RFTN1: variants seen among roughly 807,000 people sequenced by gnomAD.
RFTN1 encodes the protein raftlin.
A neutral mutation model predicts 46.5 loss-of-function variants in RFTN1; 26 were observed. The ratio of observed to expected loss-of-function variants is 0.56; its 90% CI spans 0.41 to 0.78. The LOEUF is 0.78. RFTN1 is among the 30% of genes least tolerant of loss of function. The pLI is 0.00. For missense variants in RFTN1, 693 were observed against 718.7 expected, an observed-to-expected ratio of 0.96 and a Z score of 0.41; for synonymous variants, 261 against 284.2, an observed-to-expected ratio of 0.92 and a Z score of 0.82.
chr3:16,426,394 T>G lies in RFTN1; in HGVS notation c.332+7457A>C, dbSNP rs1171891622. The stretch of plus-strand genomic sequence containing the variant: ...TTAAAGAGGACACTTTCGACTGTAA[T>G]TTTTTAAAGGATTTTCTTTTTAGTT... On this transcript the variant is annotated intron_variant, in intron 3 of 9. Coordinates refer to ENST00000334133, the MANE Select transcript of RFTN1 (RefSeq NM_015150.2). This position sits in a 1 kb window ranked among gnomAD's most constrained non-coding sequence, Gnocchi z 5.9. Among the ~76,000 whole-genome samples the G allele has an allele frequency of 6.6e-6, 1 of 152,200 alleles. No individual in the cohort carries two copies. The highest frequency in any genetic ancestry group is 1.5e-5 in the Non-Finnish European group (1 of 68,026).
At position 16,317,192 on chromosome 3, in the gene RFTN1, T is replaced by C. The variant is rs759851412; in HGVS notation, c.1373A>G (p.Gln458Arg). 5 of 1,613,534 alleles carry C rather than the reference T, an allele frequency of 3.1e-6. No homozygotes were observed. Among genetic ancestry groups the C allele is most frequent in the Non-Finnish European group, 3.4e-6 (4 of 1,179,980 alleles). Reference protein sequence around the residue: ...RFSREEMHNRQMRKSKGKLSA... With the variant: ...RFSREEMHNRRMRKSKGKLSA... ...GAGTTTACCTTTTGATTTCCTCATC[T>C]GCCTGTTGTGCATTTCTTCTCTGGA... Residue 458 changes from glutamine to arginine, a missense_variant, in exon 10 of 10, where the codon CAG becomes CGG. Physicochemically the swap from Gln to Arg is conservative, Grantham distance 43 (BLOSUM62 1). Transcript: ENST00000334133. The surrounding 1 kb of genome is among the most constrained non-coding windows in gnomAD (Gnocchi z 4.3).
At chr3:16,439,145 T>C (rs573118859) in intron 2 of RFTN1, among the ~76,000 whole-genome samples, 2 of 152,174 alleles carry the variant, frequency 1.3e-5, no homozygotes, top group South Asian at 2.1e-4. Context: ...CTTAAAGCAA[T>C]AAAAAAAGGC....
intron 3 of RFTN1, among the ~76,000 whole-genome samples, chr3:16,414,443 C>T (rs2075036220): frequency 1.3e-5 from 2 of 151,822 alleles, no homozygotes; most frequent in Non-Finnish European, 2.9e-5. Flanking sequence ...CCCATCTCTA[C>T]TAAAAATACA....
In RFTN1 at chr3:16,345,137, CCT is replaced by C. The variant is rs2071556527; in HGVS notation, c.1146+12793_1146+12794del. 1 of 152,236 alleles carries C rather than the reference CCT, an allele frequency of 6.6e-6. No individual in the cohort carries two copies. The highest frequency in any genetic ancestry group is 2.1e-4 in the South Asian group (1 of 4,838). 9.4% of individuals were successfully genotyped at this position (152,236 alleles called of 1,614,324 possible). On this transcript the variant is annotated intron_variant, in intron 7 of 9. Coordinates refer to ENST00000334133, the MANE Select transcript of RFTN1 (RefSeq NM_015150.2). The surrounding 1 kb of genome is among the most constrained non-coding windows in gnomAD (Gnocchi z 5.2). ...GGAAGTGGATTCTTCCCCACCAAAA[CCT>C]CTAATAAGGCACACAGCTCTGCTGA...
rs1334818682 is a variant in RFTN1 at position 16,322,792 on chromosome 3, G to A, written c.1332+584C>T. Among the ~76,000 whole-genome samples, 2 of 152,150 alleles carry A rather than the reference G, an allele frequency of 1.3e-5. No individual in the cohort carries two copies. The highest frequency in any genetic ancestry group is 4.8e-5 in the African/African-American group (2 of 41,414). On this transcript the variant is annotated intron_variant, in intron 9 of 9. Transcript: ENST00000334133. The surrounding 1 kb of genome is among the most constrained non-coding windows in gnomAD (Gnocchi z 6.2). ...TCTAGGGTAGTTCAGAGTCCGGAGAGGGGGAAAAGGGCCCTGGGGATCTCT... is the reference window on the plus strand; with the variant it reads ...TCTAGGGTAGTTCAGAGTCCGGAGAAGGGGAAAAGGGCCCTGGGGATCTCT...
intron 4 of RFTN1, among the ~76,000 whole-genome samples, chr3:16,393,244 G>C (rs1277183453): frequency 6.6e-6 from 1 of 152,136 alleles, no homozygotes; most frequent in Non-Finnish European, 1.5e-5. Flanking sequence ...TGGGAAGGTA[G>C]GTGCACTGAG....
At chr3:16,364,183 AT>A (rs2073006710) in intron 6 of RFTN1, among the ~76,000 whole-genome samples, 1 of 152,248 alleles carries the variant, frequency 6.6e-6, no homozygotes, top group African/African-American at 2.4e-5. Flanking sequence ...TTGCAGCGCC[AT>A]TTAACTGACC....
In RFTN1 at chr3:16,474,658, A is replaced by G. The variant is rs1024034079; in HGVS notation, c.145+19067T>C. ...GCAATTTTTAAACCACTGATTCACC[A>G]TGCAATGCAGTGTTAAAGTCAAAAG... On this transcript the variant is annotated intron_variant, in intron 2 of 9. Coordinates refer to ENST00000334133, the MANE Select transcript of RFTN1 (RefSeq NM_015150.2). This position sits in a 1 kb window ranked among gnomAD's most constrained non-coding sequence, Gnocchi z 5.5. Among the ~76,000 whole-genome samples the G allele has an allele frequency of 6.6e-6, 1 of 152,248 alleles. No individual in the cohort carries two copies. Among genetic ancestry groups the G allele is most frequent in the African/African-American group, 2.4e-5 (1 of 41,470 alleles).
Position 16,327,715 on chromosome 3 carries a change from G to A in RFTN1, c.1147-839C>T, listed in dbSNP as rs189949281. ...GGTGGAGCTTGCAGTGAGCTGAGAT[G>A]GCACCACTGCACTCCAGCCTGGGTG... On this transcript the variant is annotated intron_variant, in intron 7 of 9. Coordinates refer to ENST00000334133, the MANE Select transcript of RFTN1 (RefSeq NM_015150.2). This position sits in a 1 kb window ranked among gnomAD's most constrained non-coding sequence, Gnocchi z 4.2. Among the ~76,000 whole-genome samples, 99 of 151,948 alleles carry A rather than the reference G, an allele frequency of 6.5e-4. 5 individuals are homozygous for A. The East Asian group carries it at 0.019, about 29-fold the overall frequency.
Position 16,384,444 on chromosome 3 carries a change from T to G in RFTN1, c.442-6342A>C, listed in dbSNP as rs1209453528. ...CAAACAGAAACAAGACAACTAGGAC[T>G]TCATCTGGTATCGATTCCAGGTCCT... On this transcript the variant is annotated intron_variant, in intron 4 of 9. Transcript: ENST00000334133. The surrounding 1 kb of genome is among the most constrained non-coding windows in gnomAD (Gnocchi z 4.7). Among the ~76,000 whole-genome samples the G allele has an allele frequency of 6.6e-6, 1 of 152,174 alleles. No individual in the cohort carries two copies. The highest frequency in any genetic ancestry group is 1.5e-5 in the Non-Finnish European group (1 of 68,030).
At chr3:16,505,163 G>A (rs1158610106) in intron 1 of RFTN1, among the ~76,000 whole-genome samples, 3 of 152,108 alleles carry the variant, frequency 2.0e-5, no homozygotes, top group Non-Finnish European at 4.4e-5. Context: ...CCACACAAGT[G>A]GCTCAAAGAG....
At chr3:16,445,483 T>TCTCACA (rs1352210263) in intron 2 of RFTN1, among the ~76,000 whole-genome samples, 5,764 of 126,752 alleles carry the variant, frequency 0.045, 184 homozygotes, top group South Asian at 0.079. Context: ...TCTCTCTCTC[T>TCTCACA]CACACACACA....
At position 16,484,874 on chromosome 3, in the gene RFTN1, C is replaced by A. The variant is rs1356883594; in HGVS notation, c.145+8851G>T. On this transcript the variant is annotated intron_variant, in intron 2 of 9. Transcript: ENST00000334133. This position sits in a 1 kb window ranked among gnomAD's most constrained non-coding sequence, Gnocchi z 4.6. ...CAATATCTCAATTTATTCTTCTATA[C>A]CGTGGGGGTGACTCCACCTACCTCA... 1.3e-5 allele frequency: 2 copies of A among 152,180 alleles called. No homozygotes were observed. The highest frequency in any genetic ancestry group is 2.4e-5 in the African/African-American group (1 of 41,438). The allele number at this position is 152,180 out of a possible 1,614,324, so 9.4% of individuals were successfully genotyped here.
At chr3:16,366,398 A>C (rs527754076) in intron 6 of RFTN1, among the ~76,000 whole-genome samples, 15 of 152,070 alleles carry the variant, frequency 9.9e-5, no homozygotes, top group African/African-American at 3.6e-4. Flanking sequence ...CCTTCATCTC[A>C]CTGGCCGACA....
At position 16,483,481 on chromosome 3, in the gene RFTN1, G is replaced by A. The variant is rs1235987900; in HGVS notation, c.145+10244C>T. On this transcript the variant is annotated intron_variant, in intron 2 of 9. Coordinates refer to ENST00000334133, the MANE Select transcript of RFTN1 (RefSeq NM_015150.2). The surrounding 1 kb of genome is among the most constrained non-coding windows in gnomAD (Gnocchi z 4.8). ...TAGTGTCAACTGTAGGTGGGGTGGG[G>A]ACACAGAACCAAACCACAACACCAA... Among the ~76,000 whole-genome samples the A allele has an allele frequency of 6.6e-6, 1 of 152,122 alleles. No individual in the cohort carries two copies. The highest frequency in any genetic ancestry group is 1.5e-5 in the Non-Finnish European group (1 of 68,022).
rs1204456655 is a variant in RFTN1 at position 16,387,233 on chromosome 3, G to A, written c.442-9131C>T. Among the ~76,000 whole-genome samples the A allele has an allele frequency of 6.6e-6, 1 of 152,198 alleles. No individual in the cohort carries two copies. The highest frequency in any genetic ancestry group is 6.5e-5 in the Admixed American group (1 of 15,282). ...TCCACCCAGGGCCACAAGGAGGAGG[G>A]CTCAAGGTCTCCCGCCAAGGCTGAG... On this transcript the variant is annotated intron_variant, in intron 4 of 9. Coordinates refer to ENST00000334133, the MANE Select transcript of RFTN1 (RefSeq NM_015150.2). The surrounding 1 kb of genome is among the most constrained non-coding windows in gnomAD (Gnocchi z 5.2).
At chr3:16,464,387 C>T (rs2076055168) in intron 2 of RFTN1, among the ~76,000 whole-genome samples, 1 of 152,172 alleles carries the variant, frequency 6.6e-6, no homozygotes, top group Non-Finnish European at 1.5e-5. Context: ...CCCCCTACTC[C>T]TCATTGTTTC....
intron 1 of RFTN1, among the ~76,000 whole-genome samples, chr3:16,502,986 A>G (rs1262020734): frequency 6.6e-6 from 1 of 152,214 alleles, no homozygotes; most frequent in Admixed American, 6.5e-5. Flanking sequence ...AGTGGTTGAG[A>G]GCTGACTCTT....
chr3:16,434,134 T>G, intron 2 of RFTN1, 97 bp from the exon 3 acceptor site: 14 of 967,386 alleles, frequency 1.4e-5, no homozygotes, highest in African/African-American at 1.7e-5. Flanking sequence ...GAGGATCCTC[T>G]AGGTCACTGC....
Sources: gnomAD v4.1 joint callset for allele counts (sites outside exome capture counted in the v4.1 genomes callset) on GRCh38, gnomAD v4.1.1 for gene constraint, Gnocchi (gnomAD v3.1) non-coding constraint, MANE v1.5 for transcripts, NCBI Gene and HGNC (gene_info 2026-07-23, HGNC 2026-07-21) for gene names.